The following INO80 variants were observed in gnomAD, a reference collection of about 807,000 sequenced individuals.
INO80 encodes INO80 complex ATPase subunit.
In INO80, 20 loss-of-function variants were observed where a neutral mutation model predicts 203.4. That is an observed-to-expected ratio of 0.10 (90% CI 0.07 to 0.14). The LOEUF (loss-of-function observed/expected upper bound fraction) is 0.14. Among genes scored for constraint, INO80 ranks in the 10% least tolerant of loss-of-function variants. The pLI is 1.00. For missense variants in INO80, 1,419 were observed against 1,914.4 expected (o/e 0.74, Z 4.83); for synonymous variants, 726 against 685.2 (o/e 1.06, Z -0.93).
intron 27 of INO80, chr15:41,011,483 A>G (rs1684676270): frequency 6.6e-6 from 1 of 152,244 alleles, no homozygotes; most frequent in Non-Finnish European, 1.5e-5. Flanking sequence ...AGAATTTAAA[A>G]AAGCTTATAC....
intron 16 of INO80, 138 bp downstream of exon 16, chr15:41,058,501 A>G (rs1030252266): frequency 9.4e-6 from 8 of 851,910 alleles, no homozygotes; most frequent in East Asian, 6.1e-5. Flanking sequence ...TCTCTATTAA[A>G]AAAATTAAAT....
chr15:41,034,242 G>T (rs1227720679), intron 24 of INO80, among the ~76,000 whole-genome samples: 1 of 152,136 alleles, frequency 6.6e-6, no homozygotes, highest in Non-Finnish European at 1.5e-5. Flanking sequence ...CTTCACCATA[G>T]GGTGGGTGAG....
intron 4 of INO80, among the ~76,000 whole-genome samples, chr15:41,095,367 G>C (rs962818234): frequency 4.6e-5 from 7 of 152,070 alleles, no homozygotes. Context: ...AACACGTCTG[G>C]TCTCAAGCAT....
intron 21 of INO80, among the ~76,000 whole-genome samples, chr15:41,048,915 T>C (rs952792761): frequency 1.3e-5 from 2 of 152,206 alleles, no homozygotes; most frequent in South Asian, 4.1e-4. Flanking sequence ...GAGAAAAAGG[T>C]AAATTTGATT....
chr15:41,017,144 C>G (rs2044223158), intron 26 of INO80: 1 of 152,222 alleles, frequency 6.6e-6, no homozygotes, highest in African/African-American at 2.4e-5. Context: ...AAGCTCCTCT[C>G]ACTCACTAAC....
chr15:41,015,669 C>T (rs2044192515), intron 27 of INO80, among the ~76,000 whole-genome samples: 1 of 150,572 alleles, frequency 6.6e-6, no homozygotes, highest in South Asian at 2.1e-4. Flanking sequence ...CGTGTGGTGG[C>T]TCATGCCTGT....
intron 24 of INO80, among the ~76,000 whole-genome samples, chr15:41,040,487 G>T (rs893841637): frequency 6.6e-6 from 1 of 152,134 alleles, no homozygotes; most frequent in Admixed American, 6.6e-5. Context: ...TTCAATAAAC[G>T]GGATATGGAG....
intron 1 of INO80, among the ~76,000 whole-genome samples, chr15:41,099,635 A>G (rs747338140): frequency 1.3e-5 from 2 of 152,124 alleles, no homozygotes; most frequent in Non-Finnish European, 2.9e-5. Flanking sequence ...TTTAAAAATT[A>G]GCTGAGTGTA....
chr15:41,013,498 C>A (rs991595327), intron 27 of INO80, among the ~76,000 whole-genome samples: 2 of 152,082 alleles, frequency 1.3e-5, no homozygotes, highest in African/African-American at 4.8e-5. Flanking sequence ...AAAACGCAGA[C>A]CTAGTGCTGC....
intron 13 of INO80, 39 bp from the exon 14 acceptor site, chr15:41,069,704 G>T (rs751151927): frequency 8.7e-7 from 1 of 1,145,498 alleles, no homozygotes; most frequent in Non-Finnish European, 1.3e-6. Flanking sequence ...TACAGGAAAA[G>T]GGAAGGTATT....
rs774029524 is a variant in INO80 at position 41,016,130 on chromosome 15, G to A, written c.3360C>T (p.Val1120=). The A allele has an allele frequency of 6.2e-7, 1 of 1,613,560 alleles. No homozygotes were observed. Among genetic ancestry groups the A allele is most frequent in the Non-Finnish European group, 8.5e-7 (1 of 1,179,650 alleles). The change falls in exon 27 of 36, where the codon GTC becomes GTT. Residue 1120 remains valine (V), a synonymous_variant. Transcript: ENST00000648947. ...LTRLKSQGHR[V]LIYSQMTRMI... ...TCCTGGTCATCTGGGAGTAGATAAG[G>A]ACCCTATGCCCTTGAGACTTGAGCC...
Position 40,983,925 on chromosome 15 carries a change from G to C in INO80, c.4078-4C>G. ...GCAGCTCACTGCTGATGGAGATCTA[G>C]AAGAGGAAGGGTTAAGATCATTACG... On this transcript the variant is annotated splice_region_variant and splice_polypyrimidine_tract_variant and intron_variant, in intron 33 of 35. Transcript: ENST00000648947. 13 of 1,613,358 alleles carry C rather than the reference G, an allele frequency of 8.1e-6. No homozygotes were observed. The highest frequency in any genetic ancestry group is 1.1e-5 in the Non-Finnish European group (13 of 1,179,854).
chr15:40,998,653 TTTTG>T (rs1468133539), intron 28 of INO80, among the ~76,000 whole-genome samples: 1 of 150,938 alleles, frequency 6.6e-6, no homozygotes, highest in African/African-American at 2.5e-5. Flanking sequence ...AAAGGACAAG[TTTTG>T]TTTTTTTTTT....
intron 24 of INO80, among the ~76,000 whole-genome samples, chr15:41,033,840 A>C (rs1416669699): frequency 6.6e-6 from 1 of 152,170 alleles, no homozygotes. Flanking sequence ...TCACGAGGTC[A>C]GGAGATCAAG....
intron 12 of INO80, 43 bp downstream of exon 12, chr15:41,071,806 G>T (rs758581221): frequency 6.6e-7 from 1 of 1,510,254 alleles, no homozygotes; most frequent in Non-Finnish European, 9.2e-7. Context: ...ATGACTTTAG[G>T]AAAAGAGATA....
At chr15:41,010,991 A>G (rs2140449304) in intron 27 of INO80, among the ~76,000 whole-genome samples, 1 of 152,346 alleles carries the variant, frequency 6.6e-6, no homozygotes, top group Non-Finnish European at 1.5e-5. Context: ...TAAATATGAC[A>G]GCCGTAATTC....
intron 8 of INO80, among the ~76,000 whole-genome samples, chr15:41,080,687 C>A (rs185850595): frequency 1.3e-3 from 193 of 152,178 alleles, no homozygotes; most frequent in Middle Eastern, 3.4e-3. Context: ...GAAACTGTCT[C>A]TACTAAAATA....
chr15:41,090,128 C>T lies in INO80; in HGVS notation c.537+1899G>A, dbSNP rs187653941. 3.8e-3 allele frequency among the ~76,000 whole-genome samples: 582 copies of T among 152,210 alleles called. 3 individuals are homozygous for T. Among genetic ancestry groups the T allele is most frequent in the Non-Finnish European group, 6.0e-3 (407 of 68,022 alleles). On this transcript the variant is annotated intron_variant, in intron 5 of 35. Coordinates refer to ENST00000648947, the MANE Select transcript of INO80 (RefSeq NM_017553.3). ...TATATAAGATAAGGTATAAATACAACGAATATTTGCAATAAGAAGAAATGA... is the reference window on the plus strand; with the variant it reads ...TATATAAGATAAGGTATAAATACAATGAATATTTGCAATAAGAAGAAATGA...
At chr15:40,983,164 A>G in intron 34 of INO80, 87 bp from the exon 35 acceptor site, 1 of 1,122,706 alleles carries the variant, frequency 8.9e-7, no homozygotes, top group Non-Finnish European at 1.3e-6. Flanking sequence ...TGACAGGGAA[A>G]GCGAGCTCTT....
Sources: gnomAD v4.1 joint callset for allele counts (sites outside exome capture counted in the v4.1 genomes callset) on GRCh38, gnomAD v4.1.1 for gene constraint, MANE v1.5 for transcripts, NCBI Gene and HGNC (gene_info 2026-07-23, HGNC 2026-07-21) for gene names.